Variants in FLT3 observed in about 807,000 individuals in gnomAD.
FLT3 encodes the protein receptor-type tyrosine-protein kinase FLT3.
FLT3 carries 46 observed loss-of-function variants against 126.6 expected under a neutral mutation model. The ratio of observed to expected loss-of-function variants is 0.36; its 90% confidence interval spans 0.29 to 0.46. The LOEUF (loss-of-function observed/expected upper bound fraction) is 0.46. Ranked by LOEUF, FLT3 falls within the 20% of genes least tolerant of loss-of-function variation. The pLI is 1.00. For synonymous variants in FLT3, 404 were observed against 434.4 expected (o/e 0.93, Z 0.87); for missense variants, 1,069 against 1,190.3 (o/e 0.90, Z 1.50).
intron 1 of FLT3, among the ~76,000 whole-genome samples, chr13:28,077,097 AAAAGAAAGAGAGAG>A (rs1877997207): frequency 6.7e-6 from 1 of 150,068 alleles, no homozygotes; most frequent in African/African-American, 2.5e-5. Flanking sequence ...GAAAAAGAGA[AAAAGAAAGAGAGAG>A]AGAAAGAAAG....
rs2137673569 is a variant in FLT3, at chr13:28,033,987, C to T, written c.1842G>A (p.Lys614=). The change falls in exon 15 of 24, where the codon AAG becomes AAA. Residue 614 remains lysine (K), a synonymous_variant. Transcript: ENST00000241453. ...TTCCAAAAGCACCTGATCCTAGTAC[C>T]TTCCCTGCAAAGACAAATGGTGAGT... The part of the protein sequence containing the change: ...EFPRENLEFG[K]VLGSGAFGKV... The T allele has an allele frequency of 6.2e-7, 1 of 1,614,078 alleles. No individual in the cohort carries two copies. Among genetic ancestry groups the T allele is most frequent in the African/African-American group, 1.3e-5 (1 of 75,056 alleles).
At chr13:28,046,220 G>A (rs1212448053) in intron 9 of FLT3, among the ~76,000 whole-genome samples, 1 of 152,142 alleles carries the variant, frequency 6.6e-6, no homozygotes, top group East Asian at 1.9e-4. Flanking sequence ...AAAAATGAAT[G>A]CTCTGAACAT....
At chr13:28,072,797 C>T (rs1176353890) in intron 1 of FLT3, among the ~76,000 whole-genome samples, 1 of 150,726 alleles carries the variant, frequency 6.6e-6, no homozygotes, top group East Asian at 2.0e-4. Context: ...AGGTCAGGAG[C>T]TCGAGACCAT....
At chr13:28,023,307 C>G in intron 19 of FLT3, 43 bp downstream of exon 19, 2 of 1,559,462 alleles carry the variant, frequency 1.3e-6, no homozygotes, top group Non-Finnish European at 1.7e-6. Context: ...CACATCTTTT[C>G]AAATCTTTTT....
Position 28,027,126 on chromosome 13 carries a change from G to A in FLT3, c.2169C>T (p.Phe723=). ...TWTEIFKEHN[F]SFYPTFQSHP... ...GTGATTGGAAAGTGGGGTAAAAACT[G>A]AAATTGTGTTCCTTGAAAATCTCTG... Residue 723 remains phenylalanine, a synonymous_variant, in exon 17 of 24, where the codon TTC becomes TTT. Coordinates refer to ENST00000241453, the MANE Select transcript of FLT3 (RefSeq NM_004119.3). The A allele has an allele frequency of 6.2e-7, 1 of 1,613,850 alleles. No individual in the cohort carries two copies. Among genetic ancestry groups the A allele is most frequent in the Non-Finnish European group, 8.5e-7 (1 of 1,179,906 alleles).
chr13:28,027,076 C>T lies in FLT3; in HGVS notation c.2207+12G>A, dbSNP rs1566065781. On this transcript the variant is annotated intron_variant, in intron 17 of 23. Coordinates refer to ENST00000241453, the MANE Select transcript of FLT3 (RefSeq NM_004119.3). ...TGATGTGTAATTACGAAACCCTGAC[C>T]CAGCCTCTTACCTGGAATTTGGATG... 1.9e-5 allele frequency: 31 copies of T among 1,611,636 alleles called. No homozygotes were observed. The Middle Eastern group carries it at 5.0e-4, about 26-fold the overall frequency.
chr13:28,054,163 T>C (rs2137746471), intron 4 of FLT3, among the ~76,000 whole-genome samples: 1 of 152,334 alleles, frequency 6.6e-6, no homozygotes, highest in East Asian at 1.9e-4. Context: ...ATAATGATCA[T>C]TTGTTTTCCA....
chr13:28,072,770 G>A (rs1289356272), intron 1 of FLT3, among the ~76,000 whole-genome samples: 5 of 152,102 alleles, frequency 3.3e-5, no homozygotes, highest in East Asian at 1.9e-4. Context: ...TTGGGAGGCC[G>A]AGGCGGGTGG....
chr13:28,089,675 G>C (rs1229975254), intron 1 of FLT3, among the ~76,000 whole-genome samples: 1 of 151,862 alleles, frequency 6.6e-6, no homozygotes, highest in East Asian at 1.9e-4. Flanking sequence ...ACAGGAAAGA[G>C]AGTACTGGTT....
intron 23 of FLT3, among the ~76,000 whole-genome samples, chr13:28,011,711 CTCTTTCTT>C (rs144531341): frequency 3.8e-5 from 5 of 131,814 alleles, no homozygotes; most frequent in South Asian, 2.3e-4. Flanking sequence ...TTCTCTTTTT[CTCTTTCTT>C]TCTTTCTCTC....
intron 3 of FLT3, among the ~76,000 whole-genome samples, chr13:28,059,516 C>T (rs1593273485): frequency 6.6e-6 from 1 of 152,334 alleles, no homozygotes; most frequent in Non-Finnish European, 1.5e-5. Flanking sequence ...CGATGTTCCT[C>T]ACAGACAGAT....
In FLT3 at chr13:28,091,464, G is replaced by A. The variant is rs369749668; in HGVS notation, c.43+9004C>T. 6.2e-3 allele frequency among the ~76,000 whole-genome samples: 937 copies of A among 150,418 alleles called. 8 individuals are homozygous for A. The highest frequency in any genetic ancestry group is 0.019 in the African/African-American group (785 of 41,010). Reference sequence around the variant, plus strand: ...TCTCGATCTCCTGACCTCGTGATCCGCCCGCCTCGGCCTCCCAAAGTGCTG... The same window carrying A: ...TCTCGATCTCCTGACCTCGTGATCCACCCGCCTCGGCCTCCCAAAGTGCTG... On this transcript the variant is annotated intron_variant, in intron 1 of 23. Transcript: ENST00000241453.
At chr13:28,064,292 C>T (rs1201150282) in intron 2 of FLT3, among the ~76,000 whole-genome samples, 1 of 152,190 alleles carries the variant, frequency 6.6e-6, no homozygotes, top group East Asian at 1.9e-4. Context: ...GAATGGCCCT[C>T]AGCCAGGGGC....
chr13:28,019,494 G>A (rs919708708), intron 19 of FLT3, among the ~76,000 whole-genome samples: 3 of 151,950 alleles, frequency 2.0e-5, no homozygotes, highest in African/African-American at 7.3e-5. Context: ...AGTAGCAAAG[G>A]TCCAATGTAC....
At position 28,049,618 on chromosome 13, in the gene FLT3, C is replaced by T. The variant is rs1291804639; in HGVS notation, c.882+17G>A. 1 of 1,613,868 alleles carries T rather than the reference C, an allele frequency of 6.2e-7. No homozygotes were observed. The highest frequency in any genetic ancestry group is 8.5e-7 in the Non-Finnish European group (1 of 1,179,886). ...TAATTGTTCCTGCATTTTCAGAATACAAACTTGTCCTATTACCTCCTCGAG... is the reference window on the plus strand; with the variant it reads ...TAATTGTTCCTGCATTTTCAGAATATAAACTTGTCCTATTACCTCCTCGAG... On this transcript the variant is annotated intron_variant, in intron 7 of 23. Coordinates refer to ENST00000241453, the MANE Select transcript of FLT3 (RefSeq NM_004119.3).
chr13:28,023,302 C>T lies in FLT3; in HGVS notation c.2418+48G>A, dbSNP rs1453579619. 3 of 1,560,626 alleles carry T rather than the reference C, an allele frequency of 1.9e-6. No homozygotes were observed. The East Asian group carries it at 6.7e-5, about 35-fold the overall frequency. ...AACAAGAAAACATATATAAGCACATCTTTTCAAATCTTTTTTTTGGTTTGT... is the reference window on the plus strand; with the variant it reads ...AACAAGAAAACATATATAAGCACATTTTTTCAAATCTTTTTTTTGGTTTGT... On this transcript the variant is annotated intron_variant, in intron 19 of 23. Transcript: ENST00000241453.
intron 2 of FLT3, among the ~76,000 whole-genome samples, chr13:28,066,990 C>A (rs1877093998): frequency 6.6e-6 from 1 of 152,182 alleles, no homozygotes. Context: ...CTTCCTGTCA[C>A]TCTGAATATG....
chr13:28,055,012 T>C (rs1875883766), intron 4 of FLT3, among the ~76,000 whole-genome samples: 1 of 152,248 alleles, frequency 6.6e-6, no homozygotes, highest in Non-Finnish European at 1.5e-5. Context: ...TTATGACTAT[T>C]AATCCTTTGT....
chr13:28,087,962 T>G (rs1253725582), intron 1 of FLT3, among the ~76,000 whole-genome samples: 3 of 152,224 alleles, frequency 2.0e-5, no homozygotes, highest in Non-Finnish European at 4.4e-5. Context: ...TGCCCACTAA[T>G]TCCACATTTG....
Sources: allele counts gnomAD v4.1 joint callset (sites outside exome capture counted in the v4.1 genomes callset), GRCh38; gene constraint gnomAD v4.1.1; transcripts MANE v1.5; gene names NCBI Gene and HGNC (gene_info 2026-07-23, HGNC 2026-07-21).